CD300E: variants seen among roughly 807,000 people sequenced by gnomAD.
CD300E encodes CMRF35-like molecule 2.
Under a neutral mutation model 20.9 loss-of-function variants are expected in CD300E, and 14 were observed. The observed-to-expected ratio is 0.67, with a 90% confidence interval of 0.44 to 1.05. The LOEUF is 1.05. Ranked by LOEUF, CD300E falls within the 50% of genes least tolerant of loss-of-function variation. The pLI, the probability that CD300E is intolerant of heterozygous loss-of-function variation, is 0.00. For synonymous variants in CD300E, 102 were observed against 103.7 expected (o/e 0.98, Z 0.10); for missense variants, 237 against 253.9 (o/e 0.93, Z 0.45).
At chr17:74,622,582 T>C (rs1598153316) in intron 1 of CD300E, among the ~76,000 whole-genome samples, 2 of 152,332 alleles carry the variant, frequency 1.3e-5, no homozygotes, top group South Asian at 4.1e-4. Flanking sequence ...CTAAATTTAT[T>C]TCCCCAGAGA....
Position 74,612,624 on chromosome 17 carries a change from G to A in CD300E, c.*29C>T. On this transcript the variant is annotated 3_prime_UTR_variant, in exon 4 of 4. Transcript: ENST00000392619. The stretch of plus-strand genomic sequence containing the variant: ...TGCACGGGGCACTCCTGGGGATGGG[G>A]CTCTGCAGGGCTTCGGGTCAGCCTG... The A allele has an allele frequency of 6.2e-7, 1 of 1,610,842 alleles. No homozygotes were observed. The highest frequency in any genetic ancestry group is 1.1e-5 in the South Asian group (1 of 91,032).
chr17:74,616,213 C>T (rs2030895780), intron 2 of CD300E, among the ~76,000 whole-genome samples: 1 of 152,036 alleles, frequency 6.6e-6, no homozygotes, highest in African/African-American at 2.4e-5. Context: ...CAGAAGGTCA[C>T]TGTGAGGTTG....
chr17:74,617,467 T>C lies in CD300E; in HGVS notation c.41-2A>G. The C allele has an allele frequency of 6.2e-7, 1 of 1,609,486 alleles. No homozygotes were observed. Among genetic ancestry groups the C allele is most frequent in the South Asian group, 1.1e-5 (1 of 90,906 alleles). On this transcript the variant is annotated splice_acceptor_variant, in intron 1 of 3. Coordinates refer to ENST00000392619, the MANE Select transcript of CD300E (RefSeq NM_181449.3). LOFTEE classifies it high-confidence loss of function. ...CGGGGCCCTTCAGAGACAAACAGCC[T>C]GGAAAACACAAGCCCGAGTCCCAAG... is the stretch of plus-strand genomic sequence containing the variant.
intron 2 of CD300E, 149 bp from the exon 3 acceptor site, chr17:74,614,182 C>T: frequency 1.5e-6 from 1 of 648,024 alleles, no homozygotes. Context: ...CTGGGTGAAA[C>T]CCCTCAGGGA....
chr17:74,612,263 C>G lies in CD300E; in HGVS notation c.*390G>C, dbSNP rs1487204237. 1.3e-5 allele frequency: 2 copies of G among 158,672 alleles called. No homozygotes were observed. The highest frequency in any genetic ancestry group is 4.8e-5 in the African/African-American group (2 of 41,468). The allele number at this position is 158,672 out of a possible 1,614,324, so 9.8% of individuals were successfully genotyped here. A position where few individuals can be genotyped will look rare whatever the true frequency, so the allele number is the denominator to read the frequency against. ...TCTCTCTCTGTCTCTCTCTCTCTCT[C>G]TCTCTCTCTCTCTCTGAGACAGGGC... On this transcript the variant is annotated 3_prime_UTR_variant, in exon 4 of 4. Transcript: ENST00000392619.
intron 1 of CD300E, among the ~76,000 whole-genome samples, chr17:74,620,724 A>C (rs1402168899): frequency 6.6e-6 from 1 of 152,208 alleles, no homozygotes; most frequent in Non-Finnish European, 1.5e-5. Flanking sequence ...TCTAAAGCCC[A>C]GTAAGCAAAG....
chr17:74,617,151 G>T lies in CD300E; in HGVS notation c.355C>A (p.Pro119Thr). Residue 119 changes from proline to threonine, a missense_variant, in exon 2 of 4, where the codon CCC becomes ACC. Transcript: ENST00000392619. ...ACATACACCCTAACCAGGTCCGAGGGATCGCGTGACCATGAATCCAGGACC... is the reference window on the plus strand; with the variant it reads ...ACATACACCCTAACCAGGTCCGAGGTATCGCGTGACCATGAATCCAGGACC... ...VWVLDSWSRDPSDLVRVYVSP... is the reference protein window; with the variant it reads ...VWVLDSWSRDTSDLVRVYVSP... 6.2e-7 allele frequency: 1 copy of T among 1,614,184 alleles called. No homozygotes were observed.
chr17:74,623,472 C>A, intron 1 of CD300E, 110 bp downstream of exon 1: 2 of 1,007,350 alleles, frequency 2.0e-6, no homozygotes. Flanking sequence ...ACGGATGTAT[C>A]TTTCCCTTTT....
chr17:74,613,846 G>A, intron 3 of CD300E, 79 bp downstream of exon 3: 1 of 832,706 alleles, frequency 1.2e-6, no homozygotes, highest in South Asian at 1.5e-5. Context: ...ACGATCTCAG[G>A]TCACGGTGCG....
chr17:74,617,443 G>C lies in CD300E; in HGVS notation c.63C>G (p.Pro21=). 1 of 1,613,244 alleles carries C rather than the reference G, an allele frequency of 6.2e-7. No homozygotes were observed. The highest frequency in any genetic ancestry group is 8.5e-7 in the Non-Finnish European group (1 of 1,179,866). The part of the protein sequence containing the change: ...CLSGCLSLKG[P]GSVTGTAGDS... ...CCCCCGCAGTGCCAGTCACAGAGCCGGGGCCCTTCAGAGACAAACAGCCTG... is the reference window on the plus strand; with the variant it reads ...CCCCCGCAGTGCCAGTCACAGAGCCCGGGCCCTTCAGAGACAAACAGCCTG... Residue 21 remains proline (P), a synonymous_variant, in exon 2 of 4, where the codon CCC becomes CCG. Transcript: ENST00000392619.
chr17:74,617,105 G>A lies in CD300E; in HGVS notation c.388+13C>T. On this transcript the variant is annotated intron_variant, in intron 2 of 3. Transcript: ENST00000392619. The stretch of plus-strand genomic sequence containing the variant: ...ACCCCAAACCCTGCTGCCAAAGTGA[G>A]GGGAGCTCTTACCTGGGGAAACATA... 2 of 1,610,902 alleles carry A rather than the reference G, an allele frequency of 1.2e-6. No homozygotes were observed. The highest frequency in any genetic ancestry group is 1.7e-6 in the Non-Finnish European group (2 of 1,177,130).
Position 74,611,666 on chromosome 17 carries a change from T to C in CD300E, c.*987A>G, listed in dbSNP as rs2143348176. ...AAAGGTTAATTGCTAACAGGTGGTC[T>C]CAGCCAGACTTCTAAAGTGGACAGA... On this transcript the variant is annotated 3_prime_UTR_variant, in exon 4 of 4. Transcript: ENST00000392619. 1 of 152,430 alleles carries C rather than the reference T, an allele frequency of 6.6e-6. No homozygotes were observed. The highest frequency in any genetic ancestry group is 1.9e-4 in the East Asian group (1 of 5,192). The allele number at this position is 152,430 out of a possible 1,614,324, so 9.4% of individuals were successfully genotyped here.
At position 74,617,358 on chromosome 17, in the gene CD300E, A is replaced by G. The variant is rs1010053993; in HGVS notation, c.148T>C (p.Cys50Arg). The G allele has an allele frequency of 5.0e-6, 8 of 1,613,924 alleles. No individual in the cohort carries two copies. In the African/African-American group the frequency reaches 1.1e-4, roughly 22 times the overall value. The change falls in exon 2 of 4, where the codon TGC becomes CGC. Residue 50 changes from cysteine to arginine, a missense_variant. By Grantham distance (180) the Cys-to-Arg change is radical. Coordinates refer to ENST00000392619, the MANE Select transcript of CD300E (RefSeq NM_181449.3). ...SMYKGYNKYW[C>R]RGQYDTSCES... ...CATGACGTGTCGTACTGTCCTCGGC[A>G]CCAGTACTTGTTATATCCCTTGTAC...
At position 74,610,098 on chromosome 17, in the gene CD300E, C is replaced by A. The variant is rs927245503; in HGVS notation, c.*2555G>T. On this transcript the variant is annotated 3_prime_UTR_variant, in exon 4 of 4. Coordinates refer to ENST00000392619, the MANE Select transcript of CD300E (RefSeq NM_181449.3). ...GTCATTGCTCTGTTGATCTGCTCTTCTGAACTTCATTAGTGACCTTGTGAA... is the reference window on the plus strand; with the variant it reads ...GTCATTGCTCTGTTGATCTGCTCTTATGAACTTCATTAGTGACCTTGTGAA... 2.6e-5 allele frequency: 4 copies of A among 152,454 alleles called. No homozygotes were observed. The highest frequency in any genetic ancestry group is 9.6e-5 in the African/African-American group (4 of 41,584). The allele number at this position is 152,454 out of a possible 1,614,324, so 9.4% of individuals were successfully genotyped here.
intron 2 of CD300E, among the ~76,000 whole-genome samples, chr17:74,615,131 T>A (rs1475488472): frequency 6.6e-6 from 1 of 152,106 alleles, no homozygotes; most frequent in East Asian, 1.9e-4. Context: ...GCAGGTGCAA[T>A]GGGAGCACAG....
At chr17:74,618,377 GA>G (rs944526410) in intron 1 of CD300E, among the ~76,000 whole-genome samples, 38 of 152,278 alleles carry the variant, frequency 2.5e-4, no homozygotes, top group African/African-American at 8.7e-4. Context: ...GAGAGAAAGA[GA>G]AACAGTGATG....
chr17:74,622,895 G>A (rs956723114), intron 1 of CD300E, among the ~76,000 whole-genome samples: 127 of 152,070 alleles, frequency 8.4e-4, no homozygotes, highest in African/African-American at 2.9e-3. Context: ...GCATCACCAC[G>A]CCCAGCTAAT....
intron 1 of CD300E, among the ~76,000 whole-genome samples, chr17:74,620,189 T>C (rs2030990327): frequency 6.6e-6 from 1 of 150,404 alleles, no homozygotes; most frequent in African/African-American, 2.5e-5. Context: ...ATACAAAAAT[T>C]GGCCGGGTGT....
rs538677512 is a variant in CD300E at position 74,612,022 on chromosome 17, A to G, written c.*631T>C. On this transcript the variant is annotated 3_prime_UTR_variant, in exon 4 of 4. Transcript: ENST00000392619. ...CCCTTGGGGTTGTCCCAGAGAAGAGATGGAGCTCTGTGAGCCTAAAGGCTG... is the reference window on the plus strand; with the variant it reads ...CCCTTGGGGTTGTCCCAGAGAAGAGGTGGAGCTCTGTGAGCCTAAAGGCTG... 1 of 152,488 alleles carries G rather than the reference A, an allele frequency of 6.6e-6. No individual in the cohort carries two copies. The highest frequency in any genetic ancestry group is 2.4e-5 in the African/African-American group (1 of 41,570). The allele number at this position is 152,488 out of a possible 1,614,324, so 9.4% of individuals were successfully genotyped here. A position where few individuals can be genotyped will look rare whatever the true frequency, so the allele number is the denominator to read the frequency against.
Sources: allele counts gnomAD v4.1 joint callset (sites outside exome capture counted in the v4.1 genomes callset), GRCh38; gene constraint gnomAD v4.1.1; transcripts MANE v1.5; gene names NCBI Gene and HGNC (gene_info 2026-07-23, HGNC 2026-07-21).